Variants in EXOC7 observed in about 807,000 individuals in gnomAD.
EXOC7 encodes the protein exocyst complex component Exo70.
Under a neutral mutation model 87.6 loss-of-function variants are expected in EXOC7, and 51 were observed. The ratio of observed to expected loss-of-function variants is 0.58; its 90% CI spans 0.46 to 0.73. The LOEUF (loss-of-function observed/expected upper bound fraction) is 0.73. Among genes scored for constraint, EXOC7 ranks in the 30% least tolerant of loss-of-function variants. The pLI, the probability that EXOC7 is intolerant of heterozygous loss-of-function variation, is 0.00. For synonymous variants in EXOC7, 327 were observed against 357.1 expected (o/e 0.92, Z 0.95); for missense variants, 744 against 888.4 (o/e 0.84, Z 2.07).
chr17:76,102,030 A>C (rs1567993142), intron 2 of EXOC7, among the ~76,000 whole-genome samples, 167 bp from the exon 3 acceptor site: 1 of 152,144 alleles, frequency 6.6e-6, no homozygotes, highest in African/African-American at 2.4e-5. Flanking sequence ...AGCACCTATC[A>C]TGTGCCTGGC....
chr17:76,099,504 T>C (rs2067951362), intron 4 of EXOC7, among the ~76,000 whole-genome samples: 1 of 151,950 alleles, frequency 6.6e-6, no homozygotes, highest in African/African-American at 2.4e-5. Context: ...CATAACTCCG[T>C]CTCAAAAAAC....
Position 76,096,327 on chromosome 17 carries a change from A to G in EXOC7, c.640+1469T>C, listed in dbSNP as rs2067747644. 2.0e-5 allele frequency among the ~76,000 whole-genome samples: 3 copies of G among 152,056 alleles called. 1 individual carries two copies. On this transcript the variant is annotated intron_variant, in intron 5 of 18. Transcript: ENST00000589210. ...TCAGGAGTTCAAAACCAGCCTGGGC[A>G]ACATGGTGAAACCCTGTCCCTACCA... is the stretch of plus-strand genomic sequence containing the variant.
In EXOC7 at chr17:76,090,452, GGCC is replaced by G. The variant is rs752408325; in HGVS notation, c.901+688_901+690del. 3 of 1,551,600 alleles carry G rather than the reference GGCC, an allele frequency of 1.9e-6. No homozygotes were observed. In the African/African-American group the frequency reaches 4.1e-5, roughly 21 times the overall value. ...GCAGCGTTTATCCAGGGGCCAGGCA[GGCC>G]GCCCCTTGGGGTACAGGGAAGAAGC... On this transcript the variant is annotated intron_variant, in intron 7 of 18. Transcript: ENST00000589210.
At chr17:76,085,135 G>A (rs2246274) in intron 15 of EXOC7, 179 bp downstream of exon 15, 324,957 of 611,126 alleles carry the variant, frequency 0.53, 92,292 homozygotes, top group South Asian at 0.67. Context: ...GGAGCAGGTA[G>A]TGGTAGAGGA....
At chr17:76,095,691 A>C (rs978039388) in intron 5 of EXOC7, among the ~76,000 whole-genome samples, 1 of 152,206 alleles carries the variant, frequency 6.6e-6, no homozygotes, top group Non-Finnish European at 1.5e-5. Context: ...CGATGAGTCC[A>C]TCGATTGGCC....
At chr17:76,087,360 G>C (rs2067257615) in intron 12 of EXOC7, 1 of 483,282 alleles carries the variant, frequency 2.1e-6, no homozygotes, top group Non-Finnish European at 3.7e-6. Flanking sequence ...GAGGGGGGCA[G>C]GGGCAGAAAG....
chr17:76,082,318 C>A lies in EXOC7; in HGVS notation c.*1330G>T. ...AGGGTGTTTCTTCAACTGAAGATGG[C>A]CTGAAATGGGCCAGACCCAAATTTT... is the stretch of plus-strand genomic sequence containing the variant. On this transcript the variant is annotated 3_prime_UTR_variant, in exon 19 of 19. Coordinates refer to ENST00000589210, the MANE Select transcript of EXOC7 (RefSeq NM_001013839.4). The A allele has an allele frequency of 2.2e-6, 2 of 910,190 alleles. No homozygotes were observed. The highest frequency in any genetic ancestry group is 3.2e-6 in the Non-Finnish European group (2 of 615,698). The allele number at this position is 910,190 out of a possible 1,614,324, so 56.4% of individuals were successfully genotyped here. A position where few individuals can be genotyped will look rare whatever the true frequency, so the allele number is the denominator to read the frequency against.
intron 10 of EXOC7, 101 bp from the exon 11 acceptor site, chr17:76,088,223 G>T: frequency 7.8e-7 from 1 of 1,277,110 alleles, no homozygotes; most frequent in Non-Finnish European, 1.1e-6. Flanking sequence ...CGGGTGCTAG[G>T]ACACCTCTCA....
chr17:76,086,198 G>A (rs1162081349), intron 12 of EXOC7, 53 bp from the exon 13 acceptor site: 22 of 1,557,634 alleles, frequency 1.4e-5, no homozygotes, highest in South Asian at 3.4e-5. Flanking sequence ...GACCCTCAAC[G>A]GCCCTTCCCC....
intron 7 of EXOC7, chr17:76,090,237 G>A (rs1309790524): frequency 7.1e-7 from 1 of 1,414,298 alleles, no homozygotes; most frequent in African/African-American, 1.4e-5. Flanking sequence ...AGAGCAGAGT[G>A]GGCCCAGCTG....
At position 76,085,942 on chromosome 17, in the gene EXOC7, G is replaced by C. The variant is rs2067193551; in HGVS notation, c.1495+138C>G. On this transcript the variant is annotated intron_variant, in intron 13 of 18. Coordinates refer to ENST00000589210, the MANE Select transcript of EXOC7 (RefSeq NM_001013839.4). ...CCAACTCCCCTCAGCCTCTGAACTA[G>C]AGGTCAGGTTGTGGTTCCAAAGATC... 5.4e-5 allele frequency: 82 copies of C among 1,511,490 alleles called. 3 individuals are homozygous for C. The South Asian group carries it at 9.4e-4, about 17-fold the overall frequency. The allele number at this position is 1,511,490 out of a possible 1,614,324, so 93.6% of individuals were successfully genotyped here.
intron 11 of EXOC7, 127 bp downstream of exon 11, chr17:76,087,933 C>T (rs2067287004): frequency 3.6e-6 from 4 of 1,116,484 alleles, no homozygotes; most frequent in Non-Finnish European, 5.3e-6. Context: ...CCACCCAGGA[C>T]TGCTCACAAA....
Position 76,084,110 on chromosome 17 carries a change from GCA to G in EXOC7, c.1846_1847del (p.Cys616GlnfsTer98), listed in dbSNP as rs748819939. 6.2e-7 allele frequency: 1 copy of G among 1,606,358 alleles called. No individual in the cohort carries two copies. Among genetic ancestry groups the G allele is most frequent in the Non-Finnish European group, 8.5e-7 (1 of 1,177,362 alleles). On this transcript the variant is annotated frameshift_variant, in exon 18 of 19. Transcript: ENST00000589210. LOFTEE classifies it high-confidence loss of function. Reference sequence around the variant, plus strand: ...GAATAGCCCAGGCCTTCTGGATTTTGCACAGTTCTTCGAGGCCATCATTGAAG... The same window carrying G: ...GAATAGCCCAGGCCTTCTGGATTTTGCAGTTCTTCGAGGCCATCATTGAAG... Reference protein sequence around the residue: ...KGFNDGLEELCKIQKAWAIPD... With the variant: ...KGFNDGLEELXKIQKAWAIPD...
At chr17:76,090,966 G>A (rs937502458) in intron 7 of EXOC7, 177 bp downstream of exon 7, 7 of 656,596 alleles carry the variant, frequency 1.1e-5, no homozygotes, top group Non-Finnish European at 1.9e-5. Flanking sequence ...ACCAGGCCGA[G>A]GGCTGCGAAA....
At chr17:76,088,732 C>T in intron 9 of EXOC7, 39 bp downstream of exon 9, 2 of 1,611,238 alleles carry the variant, frequency 1.2e-6, no homozygotes, top group South Asian at 1.1e-5. Flanking sequence ...CAGCACGATG[C>T]CTCCTGGCTG....
chr17:76,087,841 G>A (rs1334342792), intron 11 of EXOC7, 121 bp from the exon 12 acceptor site: 13 of 1,114,892 alleles, frequency 1.2e-5, no homozygotes, highest in South Asian at 9.5e-5. Context: ...TGAAGAGCGC[G>A]GCTGGAAACT....
intron 16 of EXOC7, 71 bp from the exon 17 acceptor site, chr17:76,084,360 A>C: frequency 6.2e-7 from 1 of 1,606,100 alleles, no homozygotes. Context: ...CTCTTCCCCA[A>C]ACACCCTTGG....
At position 76,103,346 on chromosome 17, in the gene EXOC7, T is replaced by G. The variant is rs1258571385; in HGVS notation, c.126+15A>C. ...CCGGAGGCCTGCCCTCTCCCCCAGCTGCGGGGAGACTCACCATGTTCTTAG... is the reference window on the plus strand; with the variant it reads ...CCGGAGGCCTGCCCTCTCCCCCAGCGGCGGGGAGACTCACCATGTTCTTAG... On this transcript the variant is annotated intron_variant, in intron 2 of 18. Transcript: ENST00000589210. 1 of 1,584,256 alleles carries G rather than the reference T, an allele frequency of 6.3e-7. No homozygotes were observed. The highest frequency in any genetic ancestry group is 8.6e-7 in the Non-Finnish European group (1 of 1,163,940).
Position 76,081,783 on chromosome 17 carries a change from C to A in EXOC7, c.*1865G>T. The A allele has an allele frequency of 6.2e-7, 1 of 1,613,610 alleles. No homozygotes were observed. On this transcript the variant is annotated 3_prime_UTR_variant, in exon 19 of 19. Transcript: ENST00000589210. Reference sequence around the variant, plus strand: ...AAGCCCTGCTCCCTTACCCAGTCTGCCCTGTTTCTCCCCGGTCACCCACTG... The same window carrying A: ...AAGCCCTGCTCCCTTACCCAGTCTGACCTGTTTCTCCCCGGTCACCCACTG...
Sources: allele counts gnomAD v4.1 joint callset (sites outside exome capture counted in the v4.1 genomes callset), GRCh38; gene constraint gnomAD v4.1.1; transcripts MANE v1.5; gene names NCBI Gene and HGNC (gene_info 2026-07-23, HGNC 2026-07-21).